TAFA1: variants seen among roughly 807,000 people sequenced by gnomAD.
The protein encoded by TAFA1 is TAFA chemokine like family member 1.
In TAFA1, 4 loss-of-function variants were observed where a neutral mutation model predicts 18.5. That is an observed-to-expected ratio of 0.22 (90% confidence interval 0.11 to 0.49). The LOEUF (loss-of-function observed/expected upper bound fraction) is 0.49, where lower values mean the gene tolerates loss of function less well. Ranked by LOEUF, TAFA1 falls within the 20% of genes least tolerant of loss-of-function variation. The pLI is 0.98. For missense variants in TAFA1, 147 were observed against 169.0 expected (o/e 0.87, Z 0.72); for synonymous variants, 56 against 55.2 (o/e 1.01, Z -0.06).
rs1488357607 is a variant in TAFA1, at chr3:68,306,442, G to T, written c.119-110838G>T. Among the ~76,000 whole-genome samples the T allele has an allele frequency of 2.6e-5, 4 of 152,272 alleles. No homozygotes were observed. In the South Asian group the frequency reaches 8.3e-4, roughly 32 times the overall value. ...GCTTGCATGCTACCCTAGAGGGTTT[G>T]TCTGAGTTTAGTTTTCACATATTCA... On this transcript the variant is annotated intron_variant, in intron 2 of 4. Coordinates refer to ENST00000478136, the MANE Select transcript of TAFA1 (RefSeq NM_213609.4).
intron 2 of TAFA1, among the ~76,000 whole-genome samples, chr3:68,084,142 G>A (rs531153967): frequency 4.4e-4 from 67 of 152,252 alleles, no homozygotes; most frequent in African/African-American, 1.5e-3. Context: ...ACTACATGGC[G>A]GTCTAGGGCC....
chr3:68,500,726 A>C (rs1483064827), intron 3 of TAFA1, among the ~76,000 whole-genome samples: 5 of 151,918 alleles, frequency 3.3e-5, no homozygotes, highest in Admixed American at 3.3e-4. Context: ...AAGTTTGCCT[A>C]TTCCTACCCT....
chr3:68,219,413 G>A (rs191342606), intron 2 of TAFA1, among the ~76,000 whole-genome samples: 56 of 152,228 alleles, frequency 3.7e-4, no homozygotes, highest in African/African-American at 1.3e-3. Flanking sequence ...TCATGTTTTA[G>A]CACTCTGTTA....
chr3:68,450,242 G>A (rs2106892766), intron 3 of TAFA1, among the ~76,000 whole-genome samples: 1 of 152,310 alleles, frequency 6.6e-6, no homozygotes, highest in Middle Eastern at 3.4e-3. Flanking sequence ...TGTACTTGGA[G>A]GCTGTTTATG....
chr3:68,363,749 C>A (rs927664124), intron 2 of TAFA1, among the ~76,000 whole-genome samples: 6 of 152,142 alleles, frequency 3.9e-5, no homozygotes, highest in African/African-American at 1.2e-4. Flanking sequence ...GGCTCATTTT[C>A]TTGCCTGGAA....
chr3:68,088,148 T>G (rs1196869493), intron 2 of TAFA1, among the ~76,000 whole-genome samples: 3 of 152,230 alleles, frequency 2.0e-5, no homozygotes, highest in African/African-American at 7.2e-5. Flanking sequence ...TAAAATATTT[T>G]ACATAAATCA....
At chr3:68,508,344 C>T (rs2137179) in intron 3 of TAFA1, among the ~76,000 whole-genome samples, 28,070 of 151,878 alleles carry the variant, frequency 0.18, 2,776 homozygotes, top group Non-Finnish European at 0.23. Flanking sequence ...TCCATAACTA[C>T]CTGAAAAAAA....
intron 2 of TAFA1, among the ~76,000 whole-genome samples, chr3:68,415,937 G>C (rs1037674216): frequency 9.2e-5 from 14 of 152,126 alleles, no homozygotes; most frequent in African/African-American, 3.4e-4. Flanking sequence ...TTTCATGTTA[G>C]GCCAGGGTTT....
At chr3:68,106,955 G>A (rs2065211087) in intron 2 of TAFA1, among the ~76,000 whole-genome samples, 1 of 152,166 alleles carries the variant, frequency 6.6e-6, no homozygotes, top group African/African-American at 2.4e-5. Flanking sequence ...ATGTGGAGGA[G>A]CTGAAACTCT....
chr3:68,028,801 G>A (rs1376051223), intron 2 of TAFA1, among the ~76,000 whole-genome samples: 1 of 151,552 alleles, frequency 6.6e-6, no homozygotes, highest in Non-Finnish European at 1.5e-5. Context: ...TGCCCAGGCG[G>A]GAATGCAGTG....
intron 2 of TAFA1, among the ~76,000 whole-genome samples, chr3:68,384,044 A>G (rs772900459): frequency 6.6e-6 from 1 of 150,980 alleles, no homozygotes; most frequent in Non-Finnish European, 1.5e-5. Context: ...TTCATTTCTG[A>G]TTGTATTTAT....
the TAFA1 span, among the ~76,000 whole-genome samples, chr3:67,994,314 C>A: frequency 6.6e-6 from 1 of 152,198 alleles, no homozygotes; most frequent in Non-Finnish European, 1.5e-5. Flanking sequence ...CCAGGCCCAG[C>A]TCTAGGTAAT....
the TAFA1 span, among the ~76,000 whole-genome samples, chr3:67,997,840 C>T: frequency 1.5e-5 from 1 of 65,752 alleles, no homozygotes; most frequent in Non-Finnish European, 4.5e-5. Flanking sequence ...AAATTTACTA[C>T]CACAAAAGTA....
intron 2 of TAFA1, among the ~76,000 whole-genome samples, chr3:68,265,622 T>C (rs375234859): frequency 6.6e-6 from 1 of 152,270 alleles, no homozygotes; most frequent in East Asian, 1.9e-4. Context: ...TGGGTTCACC[T>C]CCAGGCCTGA....
intron 2 of TAFA1, among the ~76,000 whole-genome samples, chr3:68,049,648 A>G (rs532114960): frequency 5.3e-5 from 8 of 151,866 alleles, no homozygotes; most frequent in African/African-American, 1.9e-4. Context: ...GTAGTGGAGC[A>G]CAAGCAAAGG....
intron 2 of TAFA1, among the ~76,000 whole-genome samples, chr3:68,096,076 A>T (rs2065083841): frequency 6.6e-6 from 1 of 151,866 alleles, no homozygotes; most frequent in Non-Finnish European, 1.5e-5. Flanking sequence ...CCTCCCACTC[A>T]CACACACTTT....
intron 2 of TAFA1, among the ~76,000 whole-genome samples, chr3:68,258,715 T>C (rs561192346): frequency 6.6e-6 from 1 of 152,308 alleles, no homozygotes; most frequent in African/African-American, 2.4e-5. Flanking sequence ...TTGGAAATCT[T>C]CTAGTCCAAC....
chr3:68,207,818 C>T (rs952558677), intron 2 of TAFA1, among the ~76,000 whole-genome samples: 6 of 151,914 alleles, frequency 3.9e-5, no homozygotes, highest in African/African-American at 1.2e-4. Flanking sequence ...ATTAGATGCC[C>T]TTGTTATTCC....
chr3:68,035,664 G>T (rs1705030888), intron 2 of TAFA1, among the ~76,000 whole-genome samples: 1 of 152,176 alleles, frequency 6.6e-6, no homozygotes, highest in Non-Finnish European at 1.5e-5. Context: ...TTACGATGCA[G>T]AAATCCCACT....
Sources: gnomAD v4.1 joint callset for allele counts (sites outside exome capture counted in the v4.1 genomes callset) on GRCh38, gnomAD v4.1.1 for gene constraint, MANE v1.5 for transcripts, NCBI Gene and HGNC (gene_info 2026-07-23, HGNC 2026-07-21) for gene names.